Variants in GRAMD1B observed in about 807,000 individuals in gnomAD.
GRAMD1B encodes GRAM domain containing 1B.
In GRAMD1B, 37 loss-of-function variants were observed where a neutral mutation model predicts 99.7. That is an observed-to-expected ratio of 0.37 (90% CI 0.29 to 0.49). GRAMD1B has a LOEUF of 0.49. Among genes scored for constraint, GRAMD1B ranks in the 20% least tolerant of loss-of-function variants. GRAMD1B has a pLI of 0.98. For missense variants in GRAMD1B, 888 were observed against 1,009.2 expected (o/e 0.88, Z 1.63); for synonymous variants, 427 against 387.6 (o/e 1.10, Z -1.19).
At chr11:123,387,721 C>A (rs1221942769) in intron 1 of GRAMD1B, among the ~76,000 whole-genome samples, 1 of 150,952 alleles carries the variant, frequency 6.6e-6, no homozygotes, top group South Asian at 2.1e-4. Context: ...GCCCTCCCGC[C>A]CCCACCCGCC....
rs1486573061 is a variant in GRAMD1B at position 123,594,175 on chromosome 11, G to A, written c.769+9G>A. ...GGAGCGCCTCATTGTTGGTGAGTTG[G>A]GTGACCTGGGAGGGGATGGGAAGGA... is the stretch of plus-strand genomic sequence containing the variant. On this transcript the variant is annotated intron_variant, in intron 5 of 19. Transcript: ENST00000635736. 1 of 1,593,080 alleles carries A rather than the reference G, an allele frequency of 6.3e-7. No individual in the cohort carries two copies. The highest frequency in any genetic ancestry group is 1.7e-5 in the Admixed American group (1 of 60,016).
At chr11:123,482,397 TC>T (rs1341624247) in intron 2 of GRAMD1B, among the ~76,000 whole-genome samples, 5 of 152,194 alleles carry the variant, frequency 3.3e-5, no homozygotes, top group African/African-American at 9.6e-5. Flanking sequence ...CATGCCTGGC[TC>T]ACTGTGAAGT....
intron 2 of GRAMD1B, among the ~76,000 whole-genome samples, chr11:123,491,150 T>G (rs1198238372): frequency 6.6e-6 from 1 of 152,136 alleles, no homozygotes; most frequent in Admixed American, 6.5e-5. Context: ...GTGGCCAAAA[T>G]GATGAAACCC....
intron 2 of GRAMD1B, among the ~76,000 whole-genome samples, chr11:123,567,340 G>A (rs1344796898): frequency 3.3e-5 from 5 of 152,186 alleles, no homozygotes; most frequent in African/African-American, 1.2e-4. Context: ...CAGCAGCTTC[G>A]GAGGAGGAAG....
intron 2 of GRAMD1B, chr11:123,559,676 C>T (rs1469396411): frequency 3.0e-6 from 3 of 985,114 alleles, no homozygotes; most frequent in Non-Finnish European, 3.6e-6. Context: ...CCAGACGACT[C>T]TGCTTTGCCA....
intron 1 of GRAMD1B, among the ~76,000 whole-genome samples, chr11:123,397,434 A>G (rs1199420033): frequency 6.6e-6 from 1 of 150,830 alleles, no homozygotes; most frequent in East Asian, 1.9e-4. Context: ...AAAACAAAAC[A>G]AAACAAAAAC....
intron 1 of GRAMD1B, among the ~76,000 whole-genome samples, chr11:123,423,784 AC>A (rs1948545989): frequency 6.6e-6 from 1 of 152,214 alleles, no homozygotes; most frequent in East Asian, 1.9e-4. Flanking sequence ...TTCATCTTCT[AC>A]TAGCTGTGTG....
At chr11:123,449,778 T>G (rs1949805487) in intron 1 of GRAMD1B, among the ~76,000 whole-genome samples, 1 of 149,234 alleles carries the variant, frequency 6.7e-6, no homozygotes, top group African/African-American at 2.5e-5. Flanking sequence ...TGGAACACAG[T>G]AGCACAATCA....
intron 2 of GRAMD1B, among the ~76,000 whole-genome samples, chr11:123,541,125 C>T (rs992430012): frequency 6.6e-6 from 1 of 152,124 alleles, no homozygotes; most frequent in African/African-American, 2.4e-5. Context: ...AGGCATGTGC[C>T]ACCACGCCCT....
intron 11 of GRAMD1B, 91 bp from the exon 12 acceptor site, chr11:123,608,568 G>A: frequency 1.9e-6 from 3 of 1,549,390 alleles, no homozygotes; most frequent in South Asian, 1.2e-5. Flanking sequence ...GCTCATATTA[G>A]CCAGAGACCT....
At chr11:123,392,562 A>G (rs990849784) in intron 1 of GRAMD1B, among the ~76,000 whole-genome samples, 3 of 151,866 alleles carry the variant, frequency 2.0e-5, no homozygotes, top group African/African-American at 7.3e-5. Flanking sequence ...TACTCATATT[A>G]TACAGTATGC....
At chr11:123,437,762 T>C (rs1019887791) in intron 1 of GRAMD1B, among the ~76,000 whole-genome samples, 3 of 152,250 alleles carry the variant, frequency 2.0e-5, no homozygotes, top group African/African-American at 7.2e-5. Flanking sequence ...CTGTAATGAA[T>C]ACACAGCATT....
intron 1 of GRAMD1B, among the ~76,000 whole-genome samples, chr11:123,467,145 A>G (rs1950719035): frequency 6.6e-6 from 1 of 152,178 alleles, no homozygotes; most frequent in Admixed American, 6.5e-5. Context: ...CCAGAGCTTC[A>G]TGATCTGTAT....
intron 14 of GRAMD1B, among the ~76,000 whole-genome samples, chr11:123,611,862 T>C (rs1165962383): frequency 1.6e-5 from 2 of 125,662 alleles, no homozygotes; most frequent in African/African-American, 6.0e-5. Flanking sequence ...CAGGGCGGGA[T>C]GGGGCGGGAT....
intron 4 of GRAMD1B, among the ~76,000 whole-genome samples, chr11:123,589,506 C>T (rs531820716): frequency 3.3e-5 from 5 of 151,604 alleles, no homozygotes; most frequent in East Asian, 1.9e-4. Context: ...TGCAGTGGTG[C>T]GATCTCCGCT....
At chr11:123,538,572 C>A (rs1944193294) in intron 2 of GRAMD1B, among the ~76,000 whole-genome samples, 1 of 152,088 alleles carries the variant, frequency 6.6e-6, no homozygotes, top group African/African-American at 2.4e-5. Context: ...CAGCTCTAGG[C>A]AACCACTTTC....
Position 123,589,098 on chromosome 11 carries a change from G to A in GRAMD1B, c.684+4766G>A, listed in dbSNP as rs148997645. ...GACCGGAATGTGTCACATGAGCAGC[G>A]TGTCACGTGAGGTCAGGTGTGGAGT... On this transcript the variant is annotated intron_variant, in intron 4 of 19. Transcript: ENST00000635736. Among the ~76,000 whole-genome samples the A allele has an allele frequency of 4.5e-4, 69 of 151,680 alleles. 1 individual carries two copies. The East Asian group carries it at 0.011, about 24-fold the overall frequency.
intron 3 of GRAMD1B, among the ~76,000 whole-genome samples, chr11:123,583,438 T>C (rs773340323): frequency 6.6e-6 from 1 of 152,012 alleles, no homozygotes; most frequent in Non-Finnish European, 1.5e-5. Flanking sequence ...ACTTGTGTAT[T>C]TGTGCGTGTA....
chr11:123,401,597 G>A (rs1208593076), intron 1 of GRAMD1B, among the ~76,000 whole-genome samples: 1 of 152,212 alleles, frequency 6.6e-6, no homozygotes, highest in African/African-American at 2.4e-5. Flanking sequence ...CAGGCAAGCC[G>A]CCAGACTAAT....
Sources: gnomAD v4.1 joint callset for allele counts (sites outside exome capture counted in the v4.1 genomes callset) on GRCh38, gnomAD v4.1.1 for gene constraint, MANE v1.5 for transcripts, NCBI Gene and HGNC (gene_info 2026-07-23, HGNC 2026-07-21) for gene names.